Variants in CDH11 observed in about 807,000 individuals in gnomAD.
The protein encoded by CDH11 is cadherin-11.
Under a neutral mutation model 67.8 loss-of-function variants are expected in CDH11, and 11 were observed. That is an observed-to-expected ratio of 0.16 (90% CI 0.10 to 0.27). The LOEUF is 0.27. CDH11 is among the 10% of genes least tolerant of loss of function. The pLI, the probability that CDH11 is intolerant of heterozygous loss-of-function variation, is 1.00. For synonymous variants in CDH11, 419 were observed against 400.0 expected, an observed-to-expected ratio of 1.05 and a Z score of -0.57; for missense variants, 847 against 1,031.2, an observed-to-expected ratio of 0.82 and a Z score of 2.45.
chr16:65,086,309 G>C (rs1203239725), intron 1 of CDH11, among the ~76,000 whole-genome samples: 1 of 152,194 alleles, frequency 6.6e-6, no homozygotes, highest in Admixed American at 6.5e-5. Context: ...AAACTTTATA[G>C]ATCATCAGAG....
At chr16:65,086,888 A>C (rs1194368339) in intron 1 of CDH11, among the ~76,000 whole-genome samples, 2 of 152,356 alleles carry the variant, frequency 1.3e-5, no homozygotes, top group African/African-American at 4.8e-5. Flanking sequence ...CATTATACAA[A>C]TTATAGACTC....
At chr16:65,061,598 G>C (rs893100932) in intron 1 of CDH11, among the ~76,000 whole-genome samples, 25 of 152,280 alleles carry the variant, frequency 1.6e-4, no homozygotes, top group African/African-American at 5.8e-4. Flanking sequence ...GGCATTAAAT[G>C]CCTGTGTTTG....
At chr16:65,037,262 G>A (rs1597119334) in intron 2 of CDH11, among the ~76,000 whole-genome samples, 1 of 152,248 alleles carries the variant, frequency 6.6e-6, no homozygotes, top group South Asian at 2.1e-4. Context: ...TTTTTGCACT[G>A]AGAACTGGAG....
chr16:65,016,994 T>C (rs1037155981), intron 2 of CDH11, among the ~76,000 whole-genome samples: 1 of 151,996 alleles, frequency 6.6e-6, no homozygotes, highest in Admixed American at 6.6e-5. Flanking sequence ...CTGCTGGGAG[T>C]GTCTTTAAGC....
chr16:64,980,436 G>A (rs1001826733), intron 8 of CDH11, among the ~76,000 whole-genome samples: 1 of 152,172 alleles, frequency 6.6e-6, no homozygotes, highest in African/African-American at 2.4e-5. Flanking sequence ...GGAGCAAGAG[G>A]AAGGACATCC....
At position 65,119,352 on chromosome 16, in the gene CDH11, CAT is replaced by C. The variant is rs149621318; in HGVS notation, c.-298+2526_-298+2527del. 7.7e-3 allele frequency among the ~76,000 whole-genome samples: 1,165 copies of C among 152,044 alleles called. 24 individuals carry two copies. The highest frequency in any genetic ancestry group is 0.026 in the African/African-American group (1,069 of 41,448). On this transcript the variant is annotated intron_variant, in intron 1 of 12. Transcript: ENST00000268603. ...TACAGAGGGAACATGAGTTCTAAGA[CAT>C]AAAAAAAATTGCGCCATAACTATTT...
intron 1 of CDH11, among the ~76,000 whole-genome samples, chr16:65,102,764 G>A (rs565401744): frequency 6.6e-6 from 1 of 152,294 alleles, no homozygotes; most frequent in South Asian, 2.1e-4. Flanking sequence ...CCTGGGTACA[G>A]ATAAGAAATA....
At chr16:65,100,851 G>A (rs2074979639) in intron 1 of CDH11, among the ~76,000 whole-genome samples, 2 of 152,142 alleles carry the variant, frequency 1.3e-5, no homozygotes, top group African/African-American at 4.8e-5. Flanking sequence ...CAATTCACTG[G>A]TGATATCTAC....
chr16:65,096,119 G>A (rs749818371), intron 1 of CDH11, among the ~76,000 whole-genome samples: 7 of 152,034 alleles, frequency 4.6e-5, no homozygotes, highest in African/African-American at 9.7e-5. Flanking sequence ...TACATAATTC[G>A]ATGACCTATC....
intron 1 of CDH11, among the ~76,000 whole-genome samples, chr16:65,095,722 C>A (rs182703857): frequency 6.6e-6 from 1 of 152,158 alleles, no homozygotes; most frequent in Non-Finnish European, 1.5e-5. Flanking sequence ...TGCCTACCTG[C>A]CCTATGGATT....
intron 1 of CDH11, among the ~76,000 whole-genome samples, chr16:65,097,129 C>A (rs1227402852): frequency 2.0e-5 from 3 of 152,090 alleles, no homozygotes; most frequent in African/African-American, 7.2e-5. Flanking sequence ...TACACAGAGA[C>A]AAACACACAC....
intron 1 of CDH11, among the ~76,000 whole-genome samples, chr16:65,103,257 T>C (rs1693540950): frequency 6.6e-6 from 1 of 152,218 alleles, no homozygotes; most frequent in South Asian, 2.1e-4. Context: ...GCTTATTTAG[T>C]ATATAAATAT....
intron 1 of CDH11, among the ~76,000 whole-genome samples, chr16:65,108,379 C>G (rs564255117): frequency 6.6e-6 from 1 of 152,194 alleles, no homozygotes; most frequent in Non-Finnish European, 1.5e-5. Context: ...GTCCCCAGCT[C>G]TAACTACTAA....
intron 2 of CDH11, among the ~76,000 whole-genome samples, chr16:65,016,978 G>A (rs1176997414): frequency 1.3e-5 from 2 of 152,114 alleles, no homozygotes; most frequent in East Asian, 3.9e-4. Flanking sequence ...GTAAACTGTT[G>A]TGGCACTGCT....
At chr16:65,045,553 G>A (rs1306940185) in intron 2 of CDH11, among the ~76,000 whole-genome samples, 1 of 151,634 alleles carries the variant, frequency 6.6e-6, no homozygotes, top group Non-Finnish European at 1.5e-5. Context: ...ATTGGTGGCA[G>A]ATTTTAGTAT....
At chr16:65,015,803 TC>T (rs1395846837) in intron 2 of CDH11, among the ~76,000 whole-genome samples, 4 of 152,200 alleles carry the variant, frequency 2.6e-5, no homozygotes, top group Non-Finnish European at 2.9e-5. Context: ...GGAGGAATTG[TC>T]CCTAGGTGGC....
At chr16:65,088,921 T>C (rs924564839) in intron 1 of CDH11, among the ~76,000 whole-genome samples, 2 of 152,196 alleles carry the variant, frequency 1.3e-5, no homozygotes, top group East Asian at 1.9e-4. Context: ...GAATGAATAG[T>C]ATTATTATTC....
At chr16:64,957,946 C>A (rs2071563356) in intron 11 of CDH11, among the ~76,000 whole-genome samples, 1 of 152,166 alleles carries the variant, frequency 6.6e-6, no homozygotes, top group Non-Finnish European at 1.5e-5. Context: ...TGACAATACA[C>A]TCCTGATGTT....
At chr16:65,082,835 C>A (rs965256530) in intron 1 of CDH11, among the ~76,000 whole-genome samples, 9 of 152,030 alleles carry the variant, frequency 5.9e-5, no homozygotes, top group Non-Finnish European at 1.0e-4. Context: ...TTTTAACAGC[C>A]CAAACCATTA....
Sources: allele counts gnomAD v4.1 joint callset (sites outside exome capture counted in the v4.1 genomes callset), GRCh38; gene constraint gnomAD v4.1.1; transcripts MANE v1.5; gene names NCBI Gene and HGNC (gene_info 2026-07-23, HGNC 2026-07-21).